LARP1B: variants seen among roughly 807,000 people sequenced by gnomAD.
LARP1B encodes the protein la-related protein 1B.
Under a neutral mutation model 114.2 loss-of-function variants are expected in LARP1B, and 76 were observed. The observed-to-expected ratio is 0.67, with a 90% confidence interval of 0.55 to 0.81. The LOEUF (loss-of-function observed/expected upper bound fraction) is 0.81. Among genes scored for constraint, LARP1B ranks in the 30% least tolerant of loss-of-function variants. LARP1B has a pLI of 0.00. For missense variants in LARP1B, 1,014 were observed against 1,075.8 expected (o/e 0.94, Z 0.80); for synonymous variants, 345 against 348.0 (o/e 0.99, Z 0.10).
chr4:128,127,561 C>T (rs569677154), intron 11 of LARP1B, among the ~76,000 whole-genome samples: 51 of 152,254 alleles, frequency 3.3e-4, no homozygotes, highest in Middle Eastern at 3.4e-3. Flanking sequence ...CGGCCGGGCA[C>T]GGTGGCTCAC....
At chr4:128,124,072 A>G (rs1465690095) in intron 11 of LARP1B, among the ~76,000 whole-genome samples, 1 of 152,096 alleles carries the variant, frequency 6.6e-6, no homozygotes, top group Non-Finnish European at 1.5e-5. Context: ...GGGTCTGCTT[A>G]AAGGGAGAGA....
chr4:128,204,314 A>G (rs1756938832), intron 17 of LARP1B, among the ~76,000 whole-genome samples: 1 of 152,120 alleles, frequency 6.6e-6, no homozygotes. Flanking sequence ...ATTTGATAGC[A>G]TAATAGGGTG....
At chr4:128,120,005 T>C (rs573878159) in intron 10 of LARP1B, among the ~76,000 whole-genome samples, 4 of 152,358 alleles carry the variant, frequency 2.6e-5, no homozygotes, top group East Asian at 3.9e-4. Flanking sequence ...TGAAAAGCAA[T>C]GTATATTGTT....
At chr4:128,082,988 G>T (rs1038019445) in intron 5 of LARP1B, among the ~76,000 whole-genome samples, 3 of 151,484 alleles carry the variant, frequency 2.0e-5, no homozygotes, top group Admixed American at 6.6e-5. Context: ...TGTGTCCCTG[G>T]GTACTTGAGA....
intron 11 of LARP1B, among the ~76,000 whole-genome samples, chr4:128,157,281 A>C (rs1442257462): frequency 6.6e-6 from 1 of 152,216 alleles, no homozygotes; most frequent in Admixed American, 6.5e-5. Flanking sequence ...TGAAGAGATA[A>C]TTATTAAACT....
chr4:128,168,497 A>G (rs749853019), intron 12 of LARP1B, among the ~76,000 whole-genome samples: 5 of 152,136 alleles, frequency 3.3e-5, no homozygotes, highest in Non-Finnish European at 7.4e-5. Context: ...GTACATATGT[A>G]ATTTGCACAT....
At chr4:128,084,760 TTTGA>T (rs1344214413) in intron 5 of LARP1B, among the ~76,000 whole-genome samples, 7 of 152,292 alleles carry the variant, frequency 4.6e-5, no homozygotes, top group South Asian at 2.1e-4. Context: ...CCCCTGTAAC[TTTGA>T]TTATTAGTTT....
chr4:128,081,079 T>G (rs1249134705), intron 4 of LARP1B, among the ~76,000 whole-genome samples: 2 of 21,120 alleles, frequency 9.5e-5, no homozygotes, highest in African/African-American at 2.4e-4. Context: ...TATATATACT[T>G]TTTTTTTTTT....
chr4:128,222,185 G>A (rs1288627068), intron 7 of LARP1B, among the ~76,000 whole-genome samples: 1 of 152,188 alleles, frequency 6.6e-6, no homozygotes, highest in African/African-American at 2.4e-5. Flanking sequence ...TGACTTCCAT[G>A]TGAGAAGTAG....
At chr4:128,079,355 A>G (rs1470959127) in intron 4 of LARP1B, among the ~76,000 whole-genome samples, 1 of 151,964 alleles carries the variant, frequency 6.6e-6, no homozygotes, top group Non-Finnish European at 1.5e-5. Flanking sequence ...TCGGCCTCCC[A>G]AAGTGCTAGG....
At chr4:128,196,347 G>A (rs1385878229) in intron 15 of LARP1B, among the ~76,000 whole-genome samples, 4 of 149,242 alleles carry the variant, frequency 2.7e-5, no homozygotes, top group East Asian at 3.9e-4. Flanking sequence ...GTGAGACCAC[G>A]TCTCTACTAA....
Position 128,178,442 on chromosome 4 carries a change from G to T in LARP1B, c.1696G>T (p.Glu566Ter). ...LHIPKKDLTDELAQKLFDVSE... is the reference protein window; with the variant it reads ...LHIPKKDLTD ...TTTTTATTTTGCAGATTTGACTGAT[G>T]AATTAGCTCAGAAGTTATTTGATGT... The change falls in exon 14 of 20, where the codon GAA (glutamate) becomes TAA (stop). Residue 566 changes from glutamate to a stop codon, truncating the protein, a stop_gained. Coordinates refer to ENST00000326639, the MANE Select transcript of LARP1B (RefSeq NM_018078.4). LOFTEE classifies it high-confidence loss of function. 1 of 1,611,054 alleles carries T rather than the reference G, an allele frequency of 6.2e-7. No homozygotes were observed. Among genetic ancestry groups the T allele is most frequent in the South Asian group, 1.1e-5 (1 of 90,304 alleles).
chr4:128,137,220 G>A (rs957558873), intron 11 of LARP1B, among the ~76,000 whole-genome samples: 4 of 151,650 alleles, frequency 2.6e-5, no homozygotes, highest in African/African-American at 9.7e-5. Context: ...CAGAGCAAGA[G>A]TCCATCTCAA....
At chr4:128,155,850 G>A (rs1480698227) in intron 11 of LARP1B, 4 of 1,566,354 alleles carry the variant, frequency 2.6e-6, no homozygotes, top group Non-Finnish European at 3.5e-6. Context: ...TCGAGGAGCT[G>A]CAGAAGCAGA....
chr4:128,203,297 T>C (rs1249799289), intron 17 of LARP1B, among the ~76,000 whole-genome samples: 1 of 152,086 alleles, frequency 6.6e-6, no homozygotes, highest in Non-Finnish European at 1.5e-5. Context: ...GTATAGTAAG[T>C]GCTTGACAAA....
Position 128,165,785 on chromosome 4 carries a change from G to A in LARP1B, c.1648+3468G>A, listed in dbSNP as rs531567612. Among the ~76,000 whole-genome samples the A allele has an allele frequency of 1.6e-3, 239 of 152,038 alleles. 2 individuals carry two copies. Among genetic ancestry groups the A allele is most frequent in the African/African-American group, 5.4e-3 (224 of 41,504 alleles). ...ACATCAGCATTAGATCAAATTAATC[G>A]CTCTGTCCTGAAACACATTTTTACT... is the stretch of plus-strand genomic sequence containing the variant. On this transcript the variant is annotated intron_variant, in intron 12 of 19. Coordinates refer to ENST00000326639, the MANE Select transcript of LARP1B (RefSeq NM_018078.4).
chr4:128,186,254 C>T (rs969860838), intron 15 of LARP1B, among the ~76,000 whole-genome samples: 13 of 151,916 alleles, frequency 8.6e-5, no homozygotes, highest in Admixed American at 4.6e-4. Flanking sequence ...GAAGTTGCTG[C>T]ATAGTATTGA....
chr4:128,064,718 TA>T (rs1761741925), intron 1 of LARP1B, among the ~76,000 whole-genome samples: 1 of 152,136 alleles, frequency 6.6e-6, no homozygotes, highest in Admixed American at 6.6e-5. Context: ...TTGTTGATCA[TA>T]AAACCAGTAT....
At chr4:128,175,312 C>G (rs1447264567) in intron 12 of LARP1B, among the ~76,000 whole-genome samples, 1 of 152,124 alleles carries the variant, frequency 6.6e-6, no homozygotes, top group Non-Finnish European at 1.5e-5. Flanking sequence ...ATATCTGTCA[C>G]TCCCACTTTT....
Sources: allele counts gnomAD v4.1 joint callset (sites outside exome capture counted in the v4.1 genomes callset), GRCh38; gene constraint gnomAD v4.1.1; transcripts MANE v1.5; gene names NCBI Gene and HGNC (gene_info 2026-07-23, HGNC 2026-07-21).